Variants in PIWIL3 observed in about 807,000 individuals in gnomAD.
PIWIL3 encodes the protein piwi-like protein 3.
A neutral mutation model predicts 109.7 loss-of-function variants in PIWIL3; 101 were observed. The observed-to-expected ratio is 0.92, with a 90% CI of 0.78 to 1.09. The LOEUF (loss-of-function observed/expected upper bound fraction) is 1.09, where lower values mean the gene tolerates loss of function less well. Ranked by LOEUF, PIWIL3 falls within the 50% of genes least tolerant of loss-of-function variation. The pLI is 0.00. For missense variants in PIWIL3, 1,031 were observed against 1,072.6 expected (o/e 0.96, Z 0.54); for synonymous variants, 373 against 376.4 (o/e 0.99, Z 0.10).
At chr22:24,765,636 C>T (rs1302953034) in intron 1 of PIWIL3, among the ~76,000 whole-genome samples, 1 of 151,936 alleles carries the variant, frequency 6.6e-6, no homozygotes, top group African/African-American at 2.4e-5. Flanking sequence ...TGACTGAAAC[C>T]ATTTTCCCAT....
intron 12 of PIWIL3, among the ~76,000 whole-genome samples, chr22:24,744,923 C>T (rs1223315103): frequency 1.3e-5 from 2 of 152,208 alleles, no homozygotes; most frequent in Non-Finnish European, 2.9e-5. Flanking sequence ...CCAATAGCTG[C>T]ACGATGAACA....
intron 14 of PIWIL3, among the ~76,000 whole-genome samples, chr22:24,733,310 T>C (rs1378984112): frequency 6.6e-6 from 1 of 152,158 alleles, no homozygotes; most frequent in African/African-American, 2.4e-5. Context: ...AAAAAGAATT[T>C]GCTGTAGTAA....
chr22:24,729,241 C>G (rs897591744), intron 14 of PIWIL3, among the ~76,000 whole-genome samples: 2 of 152,076 alleles, frequency 1.3e-5, no homozygotes, highest in African/African-American at 2.4e-5. Context: ...CTCTCGGGCC[C>G]CCTCTCTGCT....
intron 18 of PIWIL3, among the ~76,000 whole-genome samples, chr22:24,723,859 G>A (rs1922826188): frequency 6.6e-6 from 1 of 152,012 alleles, no homozygotes; most frequent in South Asian, 2.1e-4. Flanking sequence ...GTTTTTATTA[G>A]TAGAGATGGG....
At chr22:24,757,857 A>AG (rs1397734597) in intron 4 of PIWIL3, 51 bp downstream of exon 4, 6 of 1,536,470 alleles carry the variant, frequency 3.9e-6, no homozygotes, top group Non-Finnish European at 5.2e-6. Context: ...AAAAAAAAAA[A>AG]AAAGTTAAAA....
intron 12 of PIWIL3, among the ~76,000 whole-genome samples, chr22:24,745,740 A>T (rs1924324569): frequency 7.1e-6 from 1 of 140,266 alleles, no homozygotes; most frequent in African/African-American, 2.7e-5. Flanking sequence ...AAAAAAAAAG[A>T]AGATCCAAAT....
chr22:24,759,745 A>C, intron 3 of PIWIL3, 124 bp downstream of exon 3: 1 of 1,390,936 alleles, frequency 7.2e-7, no homozygotes, highest in East Asian at 2.3e-5. Flanking sequence ...TGCAAGCTGC[A>C]CACACTTCCC....
intron 8 of PIWIL3, among the ~76,000 whole-genome samples, chr22:24,752,595 T>C (rs1359463055): frequency 6.7e-6 from 1 of 148,418 alleles, no homozygotes; most frequent in Non-Finnish European, 1.5e-5. Context: ...GGGGCACTTT[T>C]CTCTTCTTTC....
intron 8 of PIWIL3, among the ~76,000 whole-genome samples, chr22:24,751,770 G>A (rs982876767): frequency 6.6e-6 from 1 of 152,188 alleles, no homozygotes; most frequent in Non-Finnish European, 1.5e-5. Context: ...CCTTCAGGCA[G>A]CCACTAGCCT....
chr22:24,754,233 TGA>T lies in PIWIL3; in HGVS notation c.774-18_774-17del. On this transcript the variant is annotated splice_polypyrimidine_tract_variant and intron_variant, in intron 7 of 20. Transcript: ENST00000616349. ...CAAACTGGTACTAGAATAAATTACA[TGA>T]GAGTATTAGTCCGATCTCTTCACAT... 1 of 1,598,416 alleles carries T rather than the reference TGA, an allele frequency of 6.3e-7. No homozygotes were observed. The highest frequency in any genetic ancestry group is 8.6e-7 in the Non-Finnish European group (1 of 1,166,162).
intron 1 of PIWIL3, among the ~76,000 whole-genome samples, chr22:24,769,201 C>T (rs1925980617): frequency 6.6e-6 from 1 of 152,108 alleles, no homozygotes. Flanking sequence ...TTTATGATAC[C>T]TAATACCATG....
chr22:24,755,803 A>T lies in PIWIL3; in HGVS notation c.673T>A (p.Tyr225Asn). 6.2e-7 allele frequency: 1 copy of T among 1,614,134 alleles called. No individual in the cohort carries two copies. Among genetic ancestry groups the T allele is most frequent in the Non-Finnish European group, 8.5e-7 (1 of 1,179,988 alleles). The change falls in exon 6 of 21, where the codon TAC becomes AAC. Residue 225 changes from tyrosine (Y) to asparagine (N), a missense_variant. Physicochemically the swap from Tyr to Asn is moderately radical, Grantham distance 143. Coordinates refer to ENST00000616349, the MANE Select transcript of PIWIL3 (RefSeq NM_001255975.1). Reference sequence around the variant, plus strand: ...ACATACCTTCTAAAGAGAATGTTGTAATAGCGTAGGCAATCTGGCGACGTG... The same window carrying T: ...ACATACCTTCTAAAGAGAATGTTGTTATAGCGTAGGCAATCTGGCGACGTG... ...TPTSPDCLRYYNILFRRTFKL... is the reference protein window; with the variant it reads ...TPTSPDCLRYNNILFRRTFKL...
intron 1 of PIWIL3, among the ~76,000 whole-genome samples, chr22:24,765,303 C>G (rs1925720220): frequency 1.3e-5 from 2 of 152,118 alleles, no homozygotes; most frequent in African/African-American, 2.4e-5. Flanking sequence ...CCTCCCCTCT[C>G]CCCCATTTCA....
In PIWIL3 at chr22:24,762,530, T is replaced by C; in HGVS notation, c.-22-9A>G. On this transcript the variant is annotated splice_polypyrimidine_tract_variant and intron_variant, in intron 1 of 20. Coordinates refer to ENST00000616349, the MANE Select transcript of PIWIL3 (RefSeq NM_001255975.1). ...TCCTGAAGGTGATGACCCTGAAGAATACAGTTATATTAGACATCTCTGTGG... is the reference window on the plus strand; with the variant it reads ...TCCTGAAGGTGATGACCCTGAAGAACACAGTTATATTAGACATCTCTGTGG... 1 of 1,594,396 alleles carries C rather than the reference T, an allele frequency of 6.3e-7. No homozygotes were observed.
intron 12 of PIWIL3, among the ~76,000 whole-genome samples, chr22:24,738,081 G>A (rs946661139): frequency 6.6e-6 from 1 of 152,196 alleles, no homozygotes; most frequent in African/African-American, 2.4e-5. Context: ...AACCCAGTAA[G>A]TGGAGGTTGC....
At chr22:24,773,941 C>T (rs1926279699) in intron 1 of PIWIL3, among the ~76,000 whole-genome samples, 1 of 152,044 alleles carries the variant, frequency 6.6e-6, no homozygotes, top group South Asian at 2.1e-4. Flanking sequence ...TCTTGAACTC[C>T]TGACCTCATG....
intron 1 of PIWIL3, among the ~76,000 whole-genome samples, chr22:24,766,717 G>T (rs1925819477): frequency 6.6e-6 from 1 of 152,182 alleles, no homozygotes; most frequent in South Asian, 2.1e-4. Context: ...TGTCAATTAT[G>T]AGAGAAATAG....
chr22:24,748,709 T>C (rs12159250), intron 12 of PIWIL3, among the ~76,000 whole-genome samples, 198 bp downstream of exon 12: 8,317 of 152,288 alleles, frequency 0.055, 307 homozygotes, highest in South Asian at 0.13. Context: ...ATTAATTAGA[T>C]AGACATAATA....
intron 1 of PIWIL3, among the ~76,000 whole-genome samples, chr22:24,771,215 C>A (rs1222516319): frequency 6.6e-6 from 1 of 152,016 alleles, no homozygotes; most frequent in Non-Finnish European, 1.5e-5. Context: ...GTAATCCCAA[C>A]ACTTTGGGAG....
Sources: gnomAD v4.1 joint callset for allele counts (sites outside exome capture counted in the v4.1 genomes callset) on GRCh38, gnomAD v4.1.1 for gene constraint, MANE v1.5 for transcripts, NCBI Gene and HGNC (gene_info 2026-07-23, HGNC 2026-07-21) for gene names.